The following HIVEP3 variants were observed in gnomAD, a reference collection of about 807,000 sequenced individuals.
The protein encoded by HIVEP3 is HIVEP zinc finger 3.
HIVEP3 carries 49 observed loss-of-function variants against 152.8 expected under a neutral mutation model. The observed-to-expected ratio is 0.32, with a 90% confidence interval of 0.26 to 0.41. The LOEUF (loss-of-function observed/expected upper bound fraction) is 0.41. Ranked by LOEUF, HIVEP3 falls within the 10% of genes least tolerant of loss-of-function variation. HIVEP3 has a pLI of 1.00. For synonymous variants in HIVEP3, 1,269 were observed against 1,289.0 expected (o/e 0.98, Z 0.33); for missense variants, 2,790 against 3,103.3 (o/e 0.90, Z 2.40).
intron 5 of HIVEP3, among the ~76,000 whole-genome samples, chr1:41,527,919 C>G (rs1643054218): frequency 6.8e-6 from 1 of 147,692 alleles, no homozygotes; most frequent in Non-Finnish European, 1.5e-5. Context: ...CTCACACACA[C>G]ACCCCTGCCC....
At chr1:41,712,861 C>G (rs1226842838) in intron 1 of HIVEP3, among the ~76,000 whole-genome samples, 1 of 152,220 alleles carries the variant, frequency 6.6e-6, no homozygotes, top group African/African-American at 2.4e-5. Context: ...CAGCCATCAC[C>G]TCCTTCCTGG....
intron 3 of HIVEP3, among the ~76,000 whole-genome samples, chr1:41,625,162 C>CAAAAAAAAA (rs59268661): frequency 4.2e-5 from 3 of 71,274 alleles, no homozygotes; most frequent in African/African-American, 5.2e-5. Context: ...GATTCCAACT[C>CAAAAAAAAA]AAAAAAAAAA....
intron 3 of HIVEP3, among the ~76,000 whole-genome samples, chr1:41,588,295 G>C (rs1157309140): frequency 6.6e-6 from 1 of 152,204 alleles, no homozygotes; most frequent in South Asian, 2.1e-4. Context: ...GGATCTGAGA[G>C]CAGCCCCAAA....
At chr1:41,725,841 T>C (rs949006314) in intron 1 of HIVEP3, among the ~76,000 whole-genome samples, 33 of 152,364 alleles carry the variant, frequency 2.2e-4, no homozygotes, top group African/African-American at 7.9e-4. Context: ...CAAGCTGCAT[T>C]ACTTTTGGAA....
intron 3 of HIVEP3, among the ~76,000 whole-genome samples, chr1:41,590,547 G>GGACAAGAA (rs755009796): frequency 6.6e-6 from 1 of 152,218 alleles, no homozygotes; most frequent in Non-Finnish European, 1.5e-5. Flanking sequence ...AGGAACAGTG[G>GGACAAGAA]GACAAGAAGA....
intron 1 of HIVEP3, among the ~76,000 whole-genome samples, chr1:41,719,391 C>T (rs1310925454): frequency 6.6e-6 from 1 of 152,222 alleles, no homozygotes; most frequent in Non-Finnish European, 1.5e-5. Flanking sequence ...TCGCCTTTAC[C>T]TTGAAACAAT....
chr1:41,846,979 C>G (rs1643461708), intron 1 of HIVEP3, among the ~76,000 whole-genome samples: 1 of 152,214 alleles, frequency 6.6e-6, no homozygotes, highest in Admixed American at 6.5e-5. Context: ...CTGTTCCAGG[C>G]AAGGCAACGG....
At chr1:41,663,708 G>A (rs540391905) in intron 2 of HIVEP3, among the ~76,000 whole-genome samples, 1 of 152,340 alleles carries the variant, frequency 6.6e-6, no homozygotes, top group South Asian at 2.1e-4. Context: ...AGAGGAGGAA[G>A]CTATGGCTCC....
rs142685155 is a variant in HIVEP3 at position 41,870,062 on chromosome 1, G to A, written c.-801+48351C>T. Among the ~76,000 whole-genome samples, 371 of 152,244 alleles carry A rather than the reference G, an allele frequency of 2.4e-3. 2 individuals carry two copies. The highest frequency in any genetic ancestry group is 8.4e-3 in the African/African-American group (347 of 41,546). On this transcript the variant is annotated intron_variant, in intron 1 of 8. Coordinates refer to ENST00000372583, the MANE Select transcript of HIVEP3 (RefSeq NM_024503.5). ...TGAGTGCGTCTGACTAAAAGAGGAG[G>A]CTTTTCTCAAGTGTCAGTCCTGAGA... is the stretch of plus-strand genomic sequence containing the variant.
chr1:41,862,687 G>A (rs1643902503), intron 1 of HIVEP3, among the ~76,000 whole-genome samples: 1 of 152,174 alleles, frequency 6.6e-6, no homozygotes, highest in Non-Finnish European at 1.5e-5. Context: ...GATTCAACAG[G>A]ACTGTGGACC....
intron 2 of HIVEP3, among the ~76,000 whole-genome samples, chr1:41,686,485 G>T (rs1646117931): frequency 6.6e-6 from 1 of 152,306 alleles, no homozygotes; most frequent in East Asian, 1.9e-4. Context: ...TCCATCAAAA[G>T]CCCCGTACAG....
intron 3 of HIVEP3, among the ~76,000 whole-genome samples, chr1:41,597,970 A>T (rs1217062006): frequency 2.6e-5 from 4 of 152,116 alleles, no homozygotes; most frequent in African/African-American, 7.2e-5. Context: ...CCACCTACCT[A>T]TCTCATTGTT....
intron 1 of HIVEP3, among the ~76,000 whole-genome samples, chr1:41,787,878 G>T (rs986157828): frequency 6.6e-6 from 1 of 152,144 alleles, no homozygotes; most frequent in Non-Finnish European, 1.5e-5. Context: ...GGTGAGGAAT[G>T]GGGGCAGAGA....
At chr1:41,889,439 A>C (rs2124439086) in intron 1 of HIVEP3, among the ~76,000 whole-genome samples, 1 of 152,302 alleles carries the variant, frequency 6.6e-6, no homozygotes, top group Admixed American at 6.5e-5. Flanking sequence ...AGCCACTGCC[A>C]TTCCAGACCT....
chr1:41,526,348 ACACT>A (rs551146824), intron 5 of HIVEP3, among the ~76,000 whole-genome samples: 4 of 112,306 alleles, frequency 3.6e-5, no homozygotes, highest in South Asian at 6.3e-4. Flanking sequence ...CTCACACCCC[ACACT>A]CACCCTCACA....
At chr1:41,983,838 TCCGTCTGCTACCCA>T (rs1171306623) in intron 1 of HIVEP3, among the ~76,000 whole-genome samples, 3 of 152,126 alleles carry the variant, frequency 2.0e-5, no homozygotes, top group Non-Finnish European at 2.9e-5. Flanking sequence ...ACTGGAAGGC[TCCGTCTGCTACCCA>T]CCGTCCATAG....
At chr1:41,848,598 G>C (rs1643507334) in intron 1 of HIVEP3, among the ~76,000 whole-genome samples, 1 of 152,122 alleles carries the variant, frequency 6.6e-6, no homozygotes, top group African/African-American at 2.4e-5. Flanking sequence ...AGGGTGGAAG[G>C]GTAGAGAGAA....
At chr1:41,821,526 C>T (rs1346956998) in intron 1 of HIVEP3, among the ~76,000 whole-genome samples, 1 of 152,172 alleles carries the variant, frequency 6.6e-6, no homozygotes, top group Non-Finnish European at 1.5e-5. Flanking sequence ...TCCCCTACTC[C>T]ACCCCAGCCC....
chr1:41,688,612 G>A (rs1002823723), intron 2 of HIVEP3, among the ~76,000 whole-genome samples: 2 of 152,132 alleles, frequency 1.3e-5, no homozygotes, highest in African/African-American at 4.8e-5. Context: ...TCTAATCATT[G>A]TTCTACACTG....
Sources: allele counts gnomAD v4.1 joint callset (sites outside exome capture counted in the v4.1 genomes callset), GRCh38; gene constraint gnomAD v4.1.1; transcripts MANE v1.5; gene names NCBI Gene and HGNC (gene_info 2026-07-23, HGNC 2026-07-21).